The following GLG1 variants were observed in gnomAD, a reference collection of about 807,000 sequenced individuals.
The protein encoded by GLG1 is Golgi apparatus protein 1.
Under a neutral mutation model 160.5 loss-of-function variants are expected in GLG1, and 38 were observed. The observed-to-expected ratio is 0.24, with a 90% CI of 0.18 to 0.31. The LOEUF (loss-of-function observed/expected upper bound fraction) is 0.31. GLG1 is among the 10% of genes least tolerant of loss of function. The pLI, the probability that GLG1 is intolerant of heterozygous loss-of-function variation, is 1.00. For synonymous variants in GLG1, 644 were observed against 543.4 expected (o/e 1.19, Z -2.57); for missense variants, 1,373 against 1,505.2 (o/e 0.91, Z 1.45).
intron 1 of GLG1, among the ~76,000 whole-genome samples, chr16:74,540,816 C>T (rs1161781152): frequency 4.6e-5 from 7 of 152,066 alleles, no homozygotes. Flanking sequence ...ACAGGTTTAT[C>T]CCTTTGGCTC....
intron 14 of GLG1, 53 bp from the exon 15 acceptor site, chr16:74,471,339 A>G (rs974597628): frequency 3.6e-5 from 36 of 1,009,108 alleles, no homozygotes; most frequent in Non-Finnish European, 4.9e-5. Flanking sequence ...AATGAACAAA[A>G]CTTGTAGCCC....
At position 74,503,550 on chromosome 16, in the gene GLG1, C is replaced by T. The variant is rs1206640667; in HGVS notation, c.755G>A (p.Ser252Asn). 6.2e-7 allele frequency: 1 copy of T among 1,611,242 alleles called. No individual in the cohort carries two copies. Among genetic ancestry groups the T allele is most frequent in the Non-Finnish European group, 8.5e-7 (1 of 1,177,418 alleles). ...AGATACCTTTTCTCCAAGCCGAATA[C>T]TGCCACATTTCAGAATGTTGATGTC... ...KNDINILKCGSIRLGEKDAHS... is the reference protein window; with the variant it reads ...KNDINILKCGNIRLGEKDAHS... Residue 252 changes from serine (S) to asparagine (N), a missense_variant, in exon 4 of 26, where the codon AGT (serine) becomes AAT (asparagine). Coordinates refer to ENST00000422840, the MANE Select transcript of GLG1 (RefSeq NM_001145667.2).
chr16:74,463,748 T>TTG, intron 19 of GLG1: 1 of 424,610 alleles, frequency 2.4e-6, no homozygotes, highest in Non-Finnish European at 4.3e-6. Context: ...GTTGTTGTTG[T>TTG]TGTTTTAGCA....
At chr16:74,457,785 C>T in intron 24 of GLG1, 89 bp downstream of exon 24, 1 of 1,276,416 alleles carries the variant, frequency 7.8e-7, no homozygotes, top group Non-Finnish European at 1.1e-6. Context: ...ACCATACAGA[C>T]CACAGTAGCT....
In GLG1 at chr16:74,483,033, G is replaced by A. The variant is rs2015660564; in HGVS notation, c.1663C>T (p.Arg555Trp). 2.5e-6 allele frequency: 4 copies of A among 1,580,782 alleles called. No individual in the cohort carries two copies. Among genetic ancestry groups the A allele is most frequent in the Non-Finnish European group, 3.5e-6 (4 of 1,149,812 alleles). Residue 555 changes from arginine to tryptophan, a missense_variant, in exon 10 of 26, where the codon CGG becomes TGG. Transcript: ENST00000422840. ...CTTCAAAATACTCACTTCCAATCCC[G>A]GGAGATGAAATACTGCAGCTCTAAG... is the stretch of plus-strand genomic sequence containing the variant. ...RLLELQYFIS[R>W]DWKLDPVLYR...
At chr16:74,472,559 G>A in intron 13 of GLG1, 148 bp from the exon 14 acceptor site, 1 of 1,481,568 alleles carries the variant, frequency 6.7e-7, no homozygotes, top group Non-Finnish European at 9.1e-7. Context: ...GAAGTAGATA[G>A]CCCCAGAATA....
At position 74,462,634 on chromosome 16, in the gene GLG1, G is replaced by A; in HGVS notation, c.2792-4C>T. ...AACATGGGGTTTAAGCGGTAATCTA[G>A]AGTAGAAAGCAGTGAGCATGTGACA... On this transcript the variant is annotated splice_region_variant and splice_polypyrimidine_tract_variant and intron_variant, in intron 20 of 25. Transcript: ENST00000422840. 1.9e-6 allele frequency: 3 copies of A among 1,613,946 alleles called. No individual in the cohort carries two copies. The highest frequency in any genetic ancestry group is 2.5e-6 in the Non-Finnish European group (3 of 1,179,800).
rs751139256 is a variant in GLG1, at chr16:74,470,096, G to A, written c.2230-23C>T. On this transcript the variant is annotated intron_variant, in intron 15 of 25. Transcript: ENST00000422840. ...CACCTGAAAGGTAAAGAGAAAGAAA[G>A]TCAGAAGTTTTGTGGCAACTTGTGG... is the stretch of plus-strand genomic sequence containing the variant. 3 of 1,502,832 alleles carry A rather than the reference G, an allele frequency of 2.0e-6. No individual in the cohort carries two copies. The East Asian group carries it at 6.8e-5, about 34-fold the overall frequency. 93.1% of individuals were successfully genotyped at this position (1,502,832 alleles called of 1,614,324 possible).
chr16:74,585,863 G>C (rs995287559), intron 1 of GLG1, among the ~76,000 whole-genome samples: 1 of 152,062 alleles, frequency 6.6e-6, no homozygotes, highest in Non-Finnish European at 1.5e-5. Flanking sequence ...AGGAGTTCAA[G>C]ACCAGCCTGG....
intron 25 of GLG1, 87 bp from the exon 26 acceptor site, chr16:74,453,421 GTTTAA>G (rs2014404992): frequency 1.3e-6 from 1 of 782,170 alleles, no homozygotes; most frequent in South Asian, 1.8e-5. Context: ...TCAGTTCCTA[GTTTAA>G]TTTATGTCTT....
intron 18 of GLG1, among the ~76,000 whole-genome samples, chr16:74,466,024 G>A (rs149828989): frequency 6.6e-6 from 1 of 152,278 alleles, no homozygotes; most frequent in Non-Finnish European, 1.5e-5. Flanking sequence ...CAGGATGACT[G>A]GCAGGCTGTG....
chr16:74,536,028 C>T (rs1181873946), intron 1 of GLG1, among the ~76,000 whole-genome samples: 8 of 151,776 alleles, frequency 5.3e-5, no homozygotes, highest in Admixed American at 2.0e-4. Flanking sequence ...TAAATGAACT[C>T]GAGAAAGTAA....
rs1410715013 is a variant in GLG1 at position 74,449,727 on chromosome 16, C to T, written c.*3440G>A. On this transcript the variant is annotated 3_prime_UTR_variant, in exon 26 of 26. Transcript: ENST00000422840. ...AGCTCACTGGTCACCCTAGAATTCT[C>T]CTAGCTTTGAAGGATGCACTAACAC... 1 of 152,330 alleles carries T rather than the reference C, an allele frequency of 6.6e-6. No homozygotes were observed. The highest frequency in any genetic ancestry group is 1.5e-5 in the Non-Finnish European group (1 of 68,146). 9.4% of individuals were successfully genotyped at this position (152,330 alleles called of 1,614,324 possible). A position where few individuals can be genotyped will look rare whatever the true frequency, so the allele number is the denominator to read the frequency against.
chr16:74,467,744 G>C lies in GLG1; in HGVS notation c.2529+12C>G. 1 of 1,563,794 alleles carries C rather than the reference G, an allele frequency of 6.4e-7. No homozygotes were observed. Among genetic ancestry groups the C allele is most frequent in the African/African-American group, 1.4e-5 (1 of 73,808 alleles). On this transcript the variant is annotated intron_variant, in intron 18 of 25. Coordinates refer to ENST00000422840, the MANE Select transcript of GLG1 (RefSeq NM_001145667.2). ...TTACTTTTACAATTACAAAAGAAAA[G>C]CAAAAAGTTACCTGAGCGTTGCCAT...
intron 1 of GLG1, among the ~76,000 whole-genome samples, chr16:74,562,412 C>A (rs747133837): frequency 2.6e-5 from 4 of 152,164 alleles, no homozygotes; most frequent in Non-Finnish European, 5.9e-5. Flanking sequence ...ATGCTGCAAG[C>A]CTTTAATGCA....
intron 1 of GLG1, among the ~76,000 whole-genome samples, chr16:74,596,986 T>C (rs1461283851): frequency 2.0e-5 from 3 of 151,662 alleles, no homozygotes; most frequent in African/African-American, 7.3e-5. Flanking sequence ...TAACCGAGTA[T>C]GGTTACTACT....
rs1217037566 is a variant in GLG1, at chr16:74,607,106, G to C, written c.-12C>G. 3 of 1,517,106 alleles carry C rather than the reference G, an allele frequency of 2.0e-6. No individual in the cohort carries two copies. The highest frequency in any genetic ancestry group is 1.2e-5 in the South Asian group (1 of 82,394). The allele number at this position is 1,517,106 out of a possible 1,614,324, so 94.0% of individuals were successfully genotyped here. On this transcript the variant is annotated 5_prime_UTR_variant, in exon 1 of 26. Coordinates refer to ENST00000422840, the MANE Select transcript of GLG1 (RefSeq NM_001145667.2). ...CCACACGCCGCCATCTTGAGTCCGC[G>C]GCGAGCTCGACGCACTCGCCGGCGC...
intron 1 of GLG1, among the ~76,000 whole-genome samples, chr16:74,601,741 C>T (rs1567551650): frequency 6.6e-6 from 1 of 152,152 alleles, no homozygotes; most frequent in East Asian, 1.9e-4. Flanking sequence ...ACAAATACTT[C>T]AATGCACTGT....
intron 2 of GLG1, among the ~76,000 whole-genome samples, chr16:74,521,918 C>T (rs1041281968): frequency 4.6e-5 from 7 of 152,152 alleles, no homozygotes; most frequent in Non-Finnish European, 8.8e-5. Flanking sequence ...TTTGTAACAA[C>T]GCTCTGGGCA....
Sources: allele counts gnomAD v4.1 joint callset (sites outside exome capture counted in the v4.1 genomes callset), GRCh38; gene constraint gnomAD v4.1.1; transcripts MANE v1.5; gene names NCBI Gene and HGNC (gene_info 2026-07-23, HGNC 2026-07-21).